Variants in CWC27 observed in about 807,000 individuals in gnomAD.
The protein encoded by CWC27 is CWC27 spliceosome associated cyclophilin.
Under a neutral mutation model 63.6 loss-of-function variants are expected in CWC27, and 47 were observed. That is an observed-to-expected ratio of 0.74 (90% CI 0.58 to 0.94). The LOEUF is 0.94. Ranked by LOEUF, CWC27 falls within the 40% of genes least tolerant of loss-of-function variation. The probability of loss-of-function intolerance (pLI) is 0.00; values close to 1 mark genes in which losing one functional copy is unlikely to be tolerated. For synonymous variants in CWC27, 175 were observed against 179.8 expected, an observed-to-expected ratio of 0.97 and a Z score of 0.22; for missense variants, 495 against 554.3, an observed-to-expected ratio of 0.89 and a Z score of 1.07.
chr5:64,847,443 G>C (rs1746017377), intron 10 of CWC27, among the ~76,000 whole-genome samples: 1 of 152,124 alleles, frequency 6.6e-6, no homozygotes, highest in African/African-American at 2.4e-5. Context: ...AACAACAGGG[G>C]ACTTCTATAC....
chr5:64,863,039 T>C (rs564920409), intron 10 of CWC27, among the ~76,000 whole-genome samples: 2 of 152,176 alleles, frequency 1.3e-5, no homozygotes, highest in African/African-American at 4.8e-5. Flanking sequence ...GGGAATTAAG[T>C]TTCAACATAT....
chr5:64,863,430 C>A lies in CWC27; in HGVS notation c.939-22013C>A, dbSNP rs147500768. On this transcript the variant is annotated intron_variant, in intron 10 of 13. Coordinates refer to ENST00000381070, the MANE Select transcript of CWC27 (RefSeq NM_005869.4). The stretch of plus-strand genomic sequence containing the variant: ...CTGTTCTCCCCTACTCTGCCCTCCC[C>A]ACCTTTCCTCTCCCCTACACCCTCC... Among the ~76,000 whole-genome samples, 582 of 152,024 alleles carry A rather than the reference C, an allele frequency of 3.8e-3. 2 individuals are homozygous for A. The highest frequency in any genetic ancestry group is 0.013 in the African/African-American group (545 of 41,462).
intron 11 of CWC27, among the ~76,000 whole-genome samples, chr5:64,929,738 A>G (rs1377153123): frequency 6.6e-6 from 1 of 152,134 alleles, no homozygotes; most frequent in Non-Finnish European, 1.5e-5. Context: ...AAGGACGTGG[A>G]GAAATTGGAA....
At position 64,781,994 on chromosome 5, in the gene CWC27, A is replaced by G. The variant is rs1335409921; in HGVS notation, c.213A>G (p.Thr71=). ...TCCAAGGCGGAGATCCTACTGGCACAGGGAGTGGTGGAGAGTCTATCTATG... is the reference window on the plus strand; with the variant it reads ...TCCAAGGCGGAGATCCTACTGGCACGGGGAGTGGTGGAGAGTCTATCTATG... ...FIVQGGDPTG[T]GSGGESIYGA... Residue 71 remains threonine (T), a synonymous_variant, in exon 3 of 14, where the codon ACA becomes ACG. Transcript: ENST00000381070. 2 of 1,600,920 alleles carry G rather than the reference A, an allele frequency of 1.2e-6. No individual in the cohort carries two copies. The highest frequency in any genetic ancestry group is 1.7e-4 in the Middle Eastern group (1 of 6,056).
At chr5:64,848,297 C>T (rs1471162120) in intron 10 of CWC27, among the ~76,000 whole-genome samples, 1 of 152,050 alleles carries the variant, frequency 6.6e-6, no homozygotes, top group East Asian at 1.9e-4. Flanking sequence ...TACCACCTAC[C>T]AAGAAGCTGA....
chr5:64,776,562 A>G (rs1743463190), intron 2 of CWC27, among the ~76,000 whole-genome samples: 1 of 152,170 alleles, frequency 6.6e-6, no homozygotes, highest in Non-Finnish European at 1.5e-5. Flanking sequence ...TATCTTAATC[A>G]AATTCACCAA....
At chr5:65,014,171 A>G (rs545087367) in intron 13 of CWC27, among the ~76,000 whole-genome samples, 1 of 149,034 alleles carries the variant, frequency 6.7e-6, no homozygotes, top group South Asian at 2.1e-4. Flanking sequence ...CTCTCTGAAA[A>G]TAGTAAACTT....
intron 13 of CWC27, among the ~76,000 whole-genome samples, chr5:64,981,015 C>T (rs957555023): frequency 6.6e-6 from 1 of 152,062 alleles, no homozygotes; most frequent in African/African-American, 2.4e-5. Context: ...TCGCTTGAAC[C>T]TGAAAGGTGG....
intron 11 of CWC27, among the ~76,000 whole-genome samples, chr5:64,887,623 A>T (rs1350641270): frequency 6.6e-6 from 1 of 152,126 alleles, no homozygotes; most frequent in Non-Finnish European, 1.5e-5. Context: ...CTGCCTCAGC[A>T]GTGTCAGAAT....
intron 13 of CWC27, among the ~76,000 whole-genome samples, chr5:64,994,366 G>A (rs542813808): frequency 6.6e-6 from 1 of 152,062 alleles, no homozygotes; most frequent in Non-Finnish European, 1.5e-5. Flanking sequence ...ATTTAACATG[G>A]ATCTTTGTGA....
At chr5:64,887,055 CTT>C (rs1373277474) in intron 11 of CWC27, among the ~76,000 whole-genome samples, 10 of 151,880 alleles carry the variant, frequency 6.6e-5, no homozygotes, top group Non-Finnish European at 1.3e-4. Context: ...AAATATAAAA[CTT>C]AAATATTTTA....
At chr5:64,780,623 A>G (rs1339530683) in intron 2 of CWC27, among the ~76,000 whole-genome samples, 1 of 148,258 alleles carries the variant, frequency 6.7e-6, no homozygotes, top group African/African-American at 2.4e-5. Context: ...TATGTGAACT[A>G]TATATATTTA....
At chr5:64,936,936 A>T (rs1245687883) in intron 11 of CWC27, among the ~76,000 whole-genome samples, 1 of 152,150 alleles carries the variant, frequency 6.6e-6, no homozygotes, top group Non-Finnish European at 1.5e-5. Context: ...CTGTGCAACC[A>T]GTAACGATAT....
At chr5:64,935,728 T>C (rs973436989) in intron 11 of CWC27, among the ~76,000 whole-genome samples, 2 of 152,202 alleles carry the variant, frequency 1.3e-5, no homozygotes, top group African/African-American at 2.4e-5. Flanking sequence ...ATTCTTCCTA[T>C]CCATGAGCAT....
Position 64,789,726 on chromosome 5 carries a change from T to C in CWC27, c.669+706T>C, listed in dbSNP as rs759442941. On this transcript the variant is annotated intron_variant, in intron 7 of 13. Transcript: ENST00000381070. The stretch of plus-strand genomic sequence containing the variant: ...CCATTGTTTAGAGCAGTAATTCTGG[T>C]GTGTATACTACAAGAAAACTGTCTT... 3.2e-4 allele frequency among the ~76,000 whole-genome samples: 48 copies of C among 152,150 alleles called. 1 individual carries two copies. The highest frequency in any genetic ancestry group is 5.7e-4 in the Non-Finnish European group (39 of 68,018).
intron 13 of CWC27, among the ~76,000 whole-genome samples, chr5:64,979,860 T>C (rs1230471471): frequency 1.3e-5 from 2 of 152,122 alleles, no homozygotes; most frequent in Non-Finnish European, 2.9e-5. Flanking sequence ...TTATGTTTTC[T>C]TTTACTTGGC....
At chr5:64,992,257 A>C (rs1749549253) in intron 13 of CWC27, among the ~76,000 whole-genome samples, 1 of 152,174 alleles carries the variant, frequency 6.6e-6, no homozygotes, top group African/African-American at 2.4e-5. Context: ...CCATGTGATA[A>C]ATGAGGAACT....
intron 11 of CWC27, among the ~76,000 whole-genome samples, chr5:64,907,615 T>A (rs1747680484): frequency 6.6e-6 from 1 of 151,862 alleles, no homozygotes; most frequent in Non-Finnish European, 1.5e-5. Context: ...GCAAAGAGAG[T>A]CATTTTGACT....
chr5:64,950,348 A>G (rs1375509385), intron 11 of CWC27, among the ~76,000 whole-genome samples: 1 of 118,028 alleles, frequency 8.5e-6, no homozygotes, highest in Non-Finnish European at 1.9e-5. Context: ...TTGAAAAACT[A>G]AACTTAACAT....
Sources: gnomAD v4.1 joint callset for allele counts (sites outside exome capture counted in the v4.1 genomes callset) on GRCh38, gnomAD v4.1.1 for gene constraint, MANE v1.5 for transcripts, NCBI Gene and HGNC (gene_info 2026-07-23, HGNC 2026-07-21) for gene names.